The following NUMB variants were observed in gnomAD, a reference collection of about 807,000 sequenced individuals.
NUMB encodes NUMB endocytic adaptor protein.
Under a neutral mutation model 59.7 loss-of-function variants are expected in NUMB, and 29 were observed. That is an observed-to-expected ratio of 0.49 (90% CI 0.36 to 0.66). The LOEUF is 0.66. NUMB is among the 30% of genes least tolerant of loss of function. The probability of loss-of-function intolerance (pLI) is 0.00; values close to 1 mark genes in which losing one functional copy is unlikely to be tolerated. For synonymous variants in NUMB, 288 were observed against 288.2 expected, an observed-to-expected ratio of 1.00 and a Z score of 0.01; for missense variants, 723 against 822.0, an observed-to-expected ratio of 0.88 and a Z score of 1.47.
chr14:73,394,646 AT>A (rs57872457), intron 2 of NUMB, among the ~76,000 whole-genome samples: 13,436 of 152,148 alleles, frequency 0.088, 1,192 homozygotes, highest in African/African-American at 0.21. Context: ...TCCAGAACTT[AT>A]TCATCCTAAC....
chr14:73,408,241 A>G (rs1003047032), intron 2 of NUMB, among the ~76,000 whole-genome samples: 1 of 52,508 alleles, frequency 1.9e-5, no homozygotes, highest in African/African-American at 1.8e-4. Context: ...AAAAAAAAGG[A>G]AAGAAAAAAC....
chr14:73,324,675 G>C (rs1020704523), intron 4 of NUMB, among the ~76,000 whole-genome samples: 3 of 151,732 alleles, frequency 2.0e-5, no homozygotes, highest in African/African-American at 7.3e-5. Context: ...ATACGGAGTA[G>C]ACACACTACA....
At chr14:73,380,849 C>T (rs1303579257) in intron 2 of NUMB, among the ~76,000 whole-genome samples, 1 of 151,952 alleles carries the variant, frequency 6.6e-6, no homozygotes, top group Admixed American at 6.6e-5. Context: ...TTCAACCTCC[C>T]AAGTAGCTGG....
At chr14:73,293,654 G>A (rs1242472022) in intron 7 of NUMB, among the ~76,000 whole-genome samples, 3 of 152,158 alleles carry the variant, frequency 2.0e-5, no homozygotes, top group African/African-American at 7.2e-5. Flanking sequence ...GCCTCCCAAA[G>A]TGCTGGGATT....
chr14:73,422,940 G>C (rs1897419665), intron 1 of NUMB, among the ~76,000 whole-genome samples: 1 of 149,512 alleles, frequency 6.7e-6, no homozygotes. Flanking sequence ...TATATTCCCA[G>C]ATGTTATAGT....
intron 4 of NUMB, among the ~76,000 whole-genome samples, chr14:73,329,249 T>C (rs1360053317): frequency 1.3e-5 from 2 of 152,210 alleles, no homozygotes; most frequent in Non-Finnish European, 2.9e-5. Flanking sequence ...TATACTGTTT[T>C]TGGTATTATA....
chr14:73,337,716 A>G, intron 4 of NUMB, among the ~76,000 whole-genome samples: 1 of 152,206 alleles, frequency 6.6e-6, no homozygotes, highest in East Asian at 1.9e-4. Context: ...TTCATAGACT[A>G]TATTATTGTG....
intron 2 of NUMB, among the ~76,000 whole-genome samples, chr14:73,371,691 G>A (rs1390191821): frequency 6.6e-6 from 1 of 152,124 alleles, no homozygotes; most frequent in Admixed American, 6.5e-5. Context: ...CTTAAGGAGT[G>A]ATTAGGCCAG....
In NUMB at chr14:73,287,301, C is replaced by G; in HGVS notation, c.464G>C (p.Ser155Thr). ...MAVKDTGERL[S>T]HAVGCAFAAC... ...TGCAAAAGCACAGCCTACTGCATGG[C>G]TCAACCTTTCACCCTGTAAGAGCAG... The change falls in exon 9 of 13, where the codon AGC becomes ACC. Residue 155 changes from serine to threonine, a missense_variant. Coordinates refer to ENST00000555238, the MANE Select transcript of NUMB (RefSeq NM_001005743.2). 6.2e-7 allele frequency: 1 copy of G among 1,612,552 alleles called. No individual in the cohort carries two copies. Among genetic ancestry groups the G allele is most frequent in the Non-Finnish European group, 8.5e-7 (1 of 1,178,984 alleles).
intron 1 of NUMB, among the ~76,000 whole-genome samples, chr14:73,434,687 G>A (rs529984817): frequency 2.6e-5 from 4 of 151,714 alleles, no homozygotes; most frequent in Non-Finnish European, 5.9e-5. Flanking sequence ...ACAACATAGC[G>A]AGACTTCATC....
intron 2 of NUMB, among the ~76,000 whole-genome samples, chr14:73,371,478 T>C (rs532777958): frequency 5.3e-5 from 8 of 151,300 alleles, no homozygotes; most frequent in Non-Finnish European, 1.2e-4. Context: ...GAGCTTGCAG[T>C]GAGCCGAGAT....
chr14:73,344,119 A>C (rs1403087443), intron 4 of NUMB, among the ~76,000 whole-genome samples: 1 of 152,114 alleles, frequency 6.6e-6, no homozygotes, highest in Non-Finnish European at 1.5e-5. Flanking sequence ...TATGTTTTCA[A>C]GTTTATTTGT....
At position 73,276,633 on chromosome 14, in the gene NUMB, G is replaced by A. The variant is rs1311342372; in HGVS notation, c.1901C>T (p.Ser634Phe). 2 of 1,614,220 alleles carry A rather than the reference G, an allele frequency of 1.2e-6. No homozygotes were observed. The highest frequency in any genetic ancestry group is 2.2e-5 in the East Asian group (1 of 44,886). The change falls in exon 13 of 13, where the codon TCC becomes TTC. Residue 634 changes from serine to phenylalanine, a missense_variant. Ser to Phe is a radical substitution (Grantham distance 155). Transcript: ENST00000555238. ...ENKSKQRTNP[S>F]PTNPFSSDLQ... is the part of the protein sequence containing the mutation. ...GTCACTGGAGAAAGGGTTGGTAGGG[G>A]AGGGATTAGTACGCTGCTTGGACTT...
intron 2 of NUMB, among the ~76,000 whole-genome samples, chr14:73,408,873 T>A (rs1595003528): frequency 7.3e-6 from 1 of 137,376 alleles, no homozygotes; most frequent in East Asian, 2.0e-4. Context: ...GCAAAACTCC[T>A]TCTCAAAAAA....
intron 1 of NUMB, among the ~76,000 whole-genome samples, chr14:73,434,321 T>A (rs1039551993): frequency 1.3e-5 from 2 of 152,138 alleles, no homozygotes; most frequent in Admixed American, 1.3e-4. Context: ...ACCAGTAACA[T>A]AAAGATTATA....
At chr14:73,429,538 G>A (rs1223840142) in intron 1 of NUMB, among the ~76,000 whole-genome samples, 1 of 152,126 alleles carries the variant, frequency 6.6e-6, no homozygotes, top group African/African-American at 2.4e-5. Flanking sequence ...ATATGCCATT[G>A]TATAGATGTG....
intron 2 of NUMB, among the ~76,000 whole-genome samples, chr14:73,393,153 C>T (rs138453709): frequency 2.0e-5 from 3 of 152,258 alleles, no homozygotes; most frequent in East Asian, 1.9e-4. Flanking sequence ...CAGTGCTGTG[C>T]ACATTATATA....
At chr14:73,287,039 G>C in intron 9 of NUMB, 71 bp downstream of exon 9, 1 of 1,417,900 alleles carries the variant, frequency 7.1e-7, no homozygotes, top group Non-Finnish European at 1.0e-6. Context: ...ATTTACCCCT[G>C]GTAGCTTCAA....
intron 1 of NUMB, among the ~76,000 whole-genome samples, chr14:73,445,869 G>T (rs1281679314): frequency 6.6e-6 from 1 of 152,104 alleles, no homozygotes; most frequent in Admixed American, 6.6e-5. Context: ...CCCCCAATGT[G>T]GGGGAGGGGT....
Sources: allele counts gnomAD v4.1 joint callset (sites outside exome capture counted in the v4.1 genomes callset), GRCh38; gene constraint gnomAD v4.1.1; transcripts MANE v1.5; gene names NCBI Gene and HGNC (gene_info 2026-07-23, HGNC 2026-07-21).